The following CLVS1 variants were observed in gnomAD, a reference collection of about 807,000 sequenced individuals.
The protein encoded by CLVS1 is clavesin-1.
CLVS1 carries 10 observed loss-of-function variants against 33.1 expected under a neutral mutation model. The observed-to-expected ratio is 0.30, with a 90% CI of 0.19 to 0.51. The LOEUF (loss-of-function observed/expected upper bound fraction) is 0.51. CLVS1 is among the 20% of genes least tolerant of loss of function. The pLI, the probability that CLVS1 is intolerant of heterozygous loss-of-function variation, is 0.97. For synonymous variants in CLVS1, 163 were observed against 166.1 expected (o/e 0.98, Z 0.14); for missense variants, 343 against 433.4 (o/e 0.79, Z 1.85).
At chr8:61,325,790 G>A (rs936522870) in intron 2 of CLVS1, among the ~76,000 whole-genome samples, 2 of 152,240 alleles carry the variant, frequency 1.3e-5, no homozygotes, top group African/African-American at 4.8e-5. Flanking sequence ...CTATATGAAA[G>A]AGTTTTATTT....
At chr8:61,435,112 T>TA (rs1278559687) in intron 3 of CLVS1, among the ~76,000 whole-genome samples, 1 of 152,090 alleles carries the variant, frequency 6.6e-6, no homozygotes, top group East Asian at 1.9e-4. Context: ...TTGGGCAAGA[T>TA]AAAAAATCAG....
At chr8:60,991,626 C>T in the CLVS1 span, among the ~76,000 whole-genome samples, 1 of 152,044 alleles carries the variant, frequency 6.6e-6, no homozygotes, top group Non-Finnish European at 1.5e-5. Flanking sequence ...TCTGAGCTCC[C>T]CAATGCTGGA....
intron 2 of CLVS1, among the ~76,000 whole-genome samples, chr8:61,157,403 C>G (rs914192715): frequency 2.0e-5 from 3 of 152,082 alleles, no homozygotes; most frequent in Non-Finnish European, 2.9e-5. Context: ...AGATGAATCA[C>G]AGACCTAAAT....
chr8:61,389,847 T>C (rs1364032057), intron 3 of CLVS1, among the ~76,000 whole-genome samples: 1 of 152,246 alleles, frequency 6.6e-6, no homozygotes, highest in African/African-American at 2.4e-5. Context: ...GCTTAAGAGA[T>C]AAACCTTTGG....
intron 3 of CLVS1, among the ~76,000 whole-genome samples, chr8:61,452,916 C>G (rs568311326): frequency 6.6e-6 from 1 of 152,196 alleles, no homozygotes; most frequent in East Asian, 1.9e-4. Flanking sequence ...ATGGAAGATG[C>G]CTGGGGATCC....
At chr8:61,234,224 C>T (rs145879807) in intron 2 of CLVS1, among the ~76,000 whole-genome samples, 1,694 of 152,240 alleles carry the variant, frequency 0.011, 14 homozygotes, top group Non-Finnish European at 0.017. Flanking sequence ...TGAGGGTGGA[C>T]TGGATCTTGT....
chr8:61,050,775 G>A, the CLVS1 span, among the ~76,000 whole-genome samples: 1 of 152,212 alleles, frequency 6.6e-6, no homozygotes, highest in South Asian at 2.1e-4. Context: ...CTCGCCTTTG[G>A]CACCTGTCTG....
rs186512068 is a variant in CLVS1, at chr8:61,073,885, G to A, written c.-243+16655G>A. Reference sequence around the variant, plus strand: ...AAATTAGCCGGGCTAGGTGGCGGGCGCCTGTAGTCCCAGCTACTCGGGATG... The same window carrying A: ...AAATTAGCCGGGCTAGGTGGCGGGCACCTGTAGTCCCAGCTACTCGGGATG... On this transcript the variant is annotated intron_variant, in intron 1 of 2. Transcript: ENST00000522621. Among the ~76,000 whole-genome samples, 28 of 151,656 alleles carry A rather than the reference G, an allele frequency of 1.8e-4. No homozygotes were observed. In the East Asian group the frequency reaches 4.5e-3, roughly 24 times the overall value.
intron 2 of CLVS1, among the ~76,000 whole-genome samples, chr8:61,302,434 C>A (rs1298528582): frequency 1.3e-5 from 2 of 152,140 alleles, no homozygotes; most frequent in African/African-American, 4.8e-5. Flanking sequence ...TGTGCCAGAG[C>A]TTGTCTTAGG....
At chr8:61,423,788 A>G (rs1815774309) in intron 3 of CLVS1, among the ~76,000 whole-genome samples, 1 of 152,226 alleles carries the variant, frequency 6.6e-6, no homozygotes, top group Non-Finnish European at 1.5e-5. Context: ...ATGCACGCAC[A>G]CACACCCTAG....
At chr8:61,069,263 C>A (rs1804745107) in intron 1 of CLVS1, among the ~76,000 whole-genome samples, 1 of 152,164 alleles carries the variant, frequency 6.6e-6, no homozygotes, top group Non-Finnish European at 1.5e-5. Context: ...CCACCGCGCC[C>A]AGCCAGAATT....
In CLVS1 at chr8:61,357,489, C is replaced by CTTTTTTTTTTTTTTTTTTTT. The variant is rs1462908906; in HGVS notation, c.456-19112_456-19111insTTTTTTTTTTTTTTTTTTTT. Among the ~76,000 whole-genome samples, 5 of 30,264 alleles carry CTTTTTTTTTTTTTTTTTTTT rather than the reference C, an allele frequency of 1.7e-4. No individual in the cohort carries two copies. The East Asian group carries it at 2.9e-3, about 17-fold the overall frequency. 19.9% of individuals were successfully genotyped at this position (30,264 alleles called of 152,430 possible). A position where few individuals can be genotyped will look rare whatever the true frequency, so the allele number is the denominator to read the frequency against. On this transcript the variant is annotated intron_variant, in intron 2 of 5. Coordinates refer to ENST00000325897, the MANE Select transcript of CLVS1 (RefSeq NM_173519.3). ...TTTTCCTTCTTTTTCTTTCCTTTTT[C>CTTTTTTTTTTTTTTTTTTTT]TTTTCTTTTTTTTTTTTTTTTTTTT... is the stretch of plus-strand genomic sequence containing the variant.
At chr8:61,213,074 G>T (rs1808005927) in intron 2 of CLVS1, among the ~76,000 whole-genome samples, 1 of 151,960 alleles carries the variant, frequency 6.6e-6, no homozygotes, top group Admixed American at 6.5e-5. Flanking sequence ...ATATTAGGGT[G>T]TAGGTGGCAC....
At chr8:61,432,144 T>C (rs1349057571) in intron 3 of CLVS1, among the ~76,000 whole-genome samples, 1 of 152,222 alleles carries the variant, frequency 6.6e-6, no homozygotes. Flanking sequence ...AACAGCTATA[T>C]AAAGCATGAG....
At chr8:61,375,247 AT>A (rs34479292) in intron 2 of CLVS1, among the ~76,000 whole-genome samples, 76,039 of 133,390 alleles carry the variant, frequency 0.57, 23,419 homozygotes, top group Non-Finnish European at 0.71. Flanking sequence ...AGTGGCTTGC[AT>A]TTTTTTTTTT....
At chr8:61,185,199 A>G (rs1807320258) in intron 2 of CLVS1, among the ~76,000 whole-genome samples, 1 of 151,352 alleles carries the variant, frequency 6.6e-6, no homozygotes, top group African/African-American at 2.4e-5. Context: ...GCTAGAGTGC[A>G]GTGGCAGCGT....
intron 2 of CLVS1, among the ~76,000 whole-genome samples, chr8:61,204,298 G>A (rs1807797072): frequency 6.6e-6 from 1 of 152,206 alleles, no homozygotes; most frequent in African/African-American, 2.4e-5. Context: ...TGGTGCCTAT[G>A]TTCTTGGGCA....
chr8:61,464,913 C>G (rs140713068), intron 5 of CLVS1: 1,573 of 152,458 alleles, frequency 0.01, 4 homozygotes, highest in African/African-American at 0.013. Context: ...AGCCACTATT[C>G]ACTGTCTTTT....
rs146946413 is a variant in CLVS1 at position 61,335,589 on chromosome 8, C to T, written c.455+35307C>T. On this transcript the variant is annotated intron_variant, in intron 2 of 5. Transcript: ENST00000325897. ...CCTTTTCTGATGAGAGATTTTCCTC[C>T]TTAGGGCTGTTGTGACAATTTTCTT... Among the ~76,000 whole-genome samples, 62 of 152,310 alleles carry T rather than the reference C, an allele frequency of 4.1e-4. No homozygotes were observed. The East Asian group carries it at 9.4e-3, about 23-fold the overall frequency.
Sources: allele counts gnomAD v4.1 joint callset (sites outside exome capture counted in the v4.1 genomes callset), GRCh38; gene constraint gnomAD v4.1.1; transcripts MANE v1.5; gene names NCBI Gene and HGNC (gene_info 2026-07-23, HGNC 2026-07-21).